NDUFAF6: variants seen among roughly 807,000 people sequenced by gnomAD.
The protein encoded by NDUFAF6 is NADH:ubiquinone oxidoreductase complex assembly factor 6, also known as NADH dehydrogenase (ubiquinone) complex I, assembly factor 6.
NDUFAF6 carries 45 observed loss-of-function variants against 40.8 expected under a neutral mutation model. That is an observed-to-expected ratio of 1.10 (90% CI 0.87 to 1.42). The LOEUF (loss-of-function observed/expected upper bound fraction) is 1.42, where lower values mean the gene tolerates loss of function less well. Ranked by LOEUF, NDUFAF6 falls within the 40% of genes most tolerant of loss-of-function variation. The pLI is 0.00. For synonymous variants in NDUFAF6, 185 were observed against 155.9 expected, an observed-to-expected ratio of 1.19 and a Z score of -1.39; for missense variants, 435 against 418.5, an observed-to-expected ratio of 1.04 and a Z score of -0.34.
chr8:94,982,147 G>A (rs1399435952), intron 2 of NDUFAF6, among the ~76,000 whole-genome samples: 6 of 152,086 alleles, frequency 3.9e-5, no homozygotes, highest in African/African-American at 1.2e-4. Context: ...CGGGAGAATG[G>A]CGTGAACCCA....
intron 8 of NDUFAF6, among the ~76,000 whole-genome samples, chr8:95,056,413 G>T (rs1304044872): frequency 6.6e-6 from 1 of 151,778 alleles, no homozygotes; most frequent in African/African-American, 2.4e-5. Flanking sequence ...GGGTTTTGCC[G>T]TGATGCCCAG....
chr8:94,939,764 G>T lies in NDUFAF6; in HGVS notation c.-935-5719G>T. 3 of 1,513,022 alleles carry T rather than the reference G, an allele frequency of 2.0e-6. 1 individual carries two copies. The East Asian group carries it at 6.8e-5, about 34-fold the overall frequency. The allele number at this position is 1,513,022 out of a possible 1,614,324, so 93.7% of individuals were successfully genotyped here. A position where few individuals can be genotyped will look rare whatever the true frequency, so the allele number is the denominator to read the frequency against. On this transcript the variant is annotated intron_variant, in intron 1 of 14. Transcript: ENST00000396113. ...CTTTCATAAATCTCTAACAAAATTA[G>T]TTTTGCATCTTCTAATAACTTAGCT... is the stretch of plus-strand genomic sequence containing the variant.
chr8:95,018,678 G>T (rs1187302084), intron 2 of NDUFAF6, among the ~76,000 whole-genome samples: 1 of 152,176 alleles, frequency 6.6e-6, no homozygotes, highest in Non-Finnish European at 1.5e-5. Flanking sequence ...AAATTGTATT[G>T]AACTGATTGA....
chr8:95,010,994 C>A (rs751716641), intron 2 of NDUFAF6, among the ~76,000 whole-genome samples: 1 of 152,190 alleles, frequency 6.6e-6, no homozygotes, highest in Non-Finnish European at 1.5e-5. Context: ...TTCTGTGCGG[C>A]GGAAATGTCT....
chr8:94,988,245 A>G (rs1826028790), intron 2 of NDUFAF6: 1 of 152,178 alleles, frequency 6.6e-6, no homozygotes, highest in African/African-American at 2.4e-5. Flanking sequence ...GGTTTTCTAA[A>G]TTTGGAATAT....
intron 2 of NDUFAF6, among the ~76,000 whole-genome samples, chr8:95,083,846 A>G (rs1808956692): frequency 6.6e-6 from 1 of 152,216 alleles, no homozygotes; most frequent in Non-Finnish European, 1.5e-5. Flanking sequence ...TTATATGACC[A>G]TGTTTCGTTA....
intron 1 of NDUFAF6, among the ~76,000 whole-genome samples, chr8:94,965,652 A>G (rs546822585): frequency 2.0e-4 from 31 of 152,338 alleles, no homozygotes; most frequent in Admixed American, 5.9e-4. Flanking sequence ...TAAAAACTCA[A>G]CAGAATTTAG....
chr8:94,994,099 G>A (rs1273343998), intron 2 of NDUFAF6, among the ~76,000 whole-genome samples: 1 of 152,096 alleles, frequency 6.6e-6, no homozygotes, highest in Non-Finnish European at 1.5e-5. Context: ...TCTCTCCCCT[G>A]CCCTGTGCTC....
intron 1 of NDUFAF6, among the ~76,000 whole-genome samples, chr8:94,970,513 T>A (rs113336346): frequency 0.027 from 4,064 of 151,926 alleles, 73 homozygotes; most frequent in Non-Finnish European, 0.036. Flanking sequence ...ATCTTTTGAA[T>A]CTAGGAGTTC....
intron 6 of NDUFAF6, among the ~76,000 whole-genome samples, chr8:95,047,752 G>A (rs1386469794): frequency 1.3e-5 from 2 of 151,464 alleles, no homozygotes; most frequent in African/African-American, 2.4e-5. Flanking sequence ...CTCGTGATTC[G>A]CTTGCCTCGG....
chr8:95,016,968 C>G (rs1827480887), intron 2 of NDUFAF6, among the ~76,000 whole-genome samples: 1 of 132,822 alleles, frequency 7.5e-6, no homozygotes, highest in African/African-American at 2.8e-5. Context: ...GGGTCTTGCT[C>G]TGTTGCCCAG....
upstream of NDUFAF6, among the ~76,000 whole-genome samples, chr8:94,954,355 C>G (rs577196915): frequency 1.5e-3 from 235 of 152,348 alleles, no homozygotes; most frequent in Non-Finnish European, 2.4e-3. Context: ...ACCACCACAC[C>G]TGACCTATTT....
At chr8:94,939,682 G>A (rs780224212) in intron 1 of NDUFAF6, 2 of 837,548 alleles carry the variant, frequency 2.4e-6, no homozygotes, top group Non-Finnish European at 3.6e-6. Context: ...ACAGGTGTGA[G>A]ACACTGTGAC....
In NDUFAF6 at chr8:95,025,026, C is replaced by G. The variant is rs753477252; in HGVS notation, c.18C>G (p.His6Gln). ...CCGGCGTCATGGCGGCCTCCGCGCA[C>G]GGCTCTGTCTGGGGGCCGTTGCGGC... MAASA[H>Q]GSVWGPLRLG... Residue 6 changes from histidine (H) to glutamine (Q), a missense_variant, in exon 1 of 9, where the codon CAC (histidine) becomes CAG (glutamine). Coordinates refer to ENST00000396124, the MANE Select transcript of NDUFAF6 (RefSeq NM_152416.4). 26 of 1,354,274 alleles carry G rather than the reference C, an allele frequency of 1.9e-5. No homozygotes were observed. The East Asian group carries it at 6.9e-4, about 36-fold the overall frequency. 83.9% of individuals were successfully genotyped at this position (1,354,274 alleles called of 1,614,324 possible).
At chr8:95,110,306 CCTTTGTGGAGCT>C (rs1469201396) in intron 4 of NDUFAF6, among the ~76,000 whole-genome samples, 9 of 152,188 alleles carry the variant, frequency 5.9e-5, no homozygotes. Flanking sequence ...TGTCAAGATG[CCTTTGTGGAGCT>C]CTTTATCTAC....
intron 9 of NDUFAF6, among the ~76,000 whole-genome samples, chr8:95,064,038 A>ATTTTTTTTTTT (rs1160777112): frequency 7.2e-4 from 75 of 104,810 alleles, no homozygotes; most frequent in Middle Eastern, 6.0e-3. Flanking sequence ...CGCCTGGCTA[A>ATTTTTTTTTTT]TTTTTTTTTT....
intron 1 of NDUFAF6, among the ~76,000 whole-genome samples, chr8:94,907,465 A>T (rs571447148): frequency 7.2e-5 from 11 of 152,356 alleles, no homozygotes; most frequent in African/African-American, 1.4e-4. Flanking sequence ...AAAAGGGTAG[A>T]GCTCAATCAT....
downstream of NDUFAF6, among the ~76,000 whole-genome samples, chr8:95,062,747 C>T (rs1275037378): frequency 1.3e-5 from 2 of 152,218 alleles, no homozygotes; most frequent in East Asian, 1.9e-4. Context: ...ATTTCTCCCT[C>T]ACTTAGCCAT....
Position 95,111,493 on chromosome 8 carries a change from G to T in NDUFAF6, n.345-4043G>T, listed in dbSNP as rs1183199305. 3.3e-5 allele frequency among the ~76,000 whole-genome samples: 5 copies of T among 152,198 alleles called. No individual in the cohort carries two copies. The South Asian group carries it at 1.0e-3, about 32-fold the overall frequency. On this transcript the variant is annotated intron_variant and non_coding_transcript_variant, in intron 4 of 5. Transcript: ENST00000523184. ...AGAAGCCACATACTGCACATTCCTG[G>T]ATTATAGTTTGATGACATTCTTTCC...
Sources: allele counts gnomAD v4.1 joint callset (sites outside exome capture counted in the v4.1 genomes callset), GRCh38; gene constraint gnomAD v4.1.1; transcripts MANE v1.5; gene names NCBI Gene and HGNC (gene_info 2026-07-23, HGNC 2026-07-21).